Variants in NFATC3 observed in about 807,000 individuals in gnomAD.
NFATC3 encodes nuclear factor of activated T cells 3.
Under a neutral mutation model 98.6 loss-of-function variants are expected in NFATC3, and 46 were observed. The observed-to-expected ratio is 0.47, with a 90% CI of 0.37 to 0.60. The LOEUF (loss-of-function observed/expected upper bound fraction) is 0.60. NFATC3 is among the 20% of genes least tolerant of loss of function. NFATC3 has a pLI of 0.00. For synonymous variants in NFATC3, 512 were observed against 472.2 expected (o/e 1.08, Z -1.09); for missense variants, 1,256 against 1,295.5 (o/e 0.97, Z 0.47).
intron 5 of NFATC3, among the ~76,000 whole-genome samples, chr16:68,173,227 G>C (rs558984531): frequency 6.6e-6 from 1 of 151,560 alleles, no homozygotes; most frequent in South Asian, 2.1e-4. Context: ...GCCACACTGG[G>C]CAATAAATAA....
At chr16:68,113,647 C>T (rs1161814295) in intron 1 of NFATC3, among the ~76,000 whole-genome samples, 2 of 152,190 alleles carry the variant, frequency 1.3e-5, no homozygotes, top group Non-Finnish European at 2.9e-5. Context: ...GGGAGAATTC[C>T]CCTCATCTGG....
intron 1 of NFATC3, among the ~76,000 whole-genome samples, chr16:68,106,359 C>G (rs927080968): frequency 6.7e-6 from 1 of 149,440 alleles, no homozygotes; most frequent in Non-Finnish European, 1.5e-5. Flanking sequence ...ATGGTGTGAT[C>G]TTGGCTCACT....
chr16:68,171,627 C>T (rs937249633), intron 5 of NFATC3, among the ~76,000 whole-genome samples: 2 of 152,004 alleles, frequency 1.3e-5, no homozygotes, highest in South Asian at 4.2e-4. Flanking sequence ...GCATGCACCA[C>T]TGTGCCCGAC....
intron 3 of NFATC3, among the ~76,000 whole-genome samples, chr16:68,145,002 C>T (rs1198432698): frequency 1.3e-5 from 2 of 152,030 alleles, no homozygotes; most frequent in African/African-American, 4.8e-5. Context: ...AGATGGCAAT[C>T]TCACTATGTT....
intron 3 of NFATC3, among the ~76,000 whole-genome samples, chr16:68,127,928 A>G (rs1246788356): frequency 6.6e-6 from 1 of 151,880 alleles, no homozygotes; most frequent in East Asian, 1.9e-4. Flanking sequence ...CTTCTCCCCC[A>G]ATTATTTAGC....
At position 68,226,918 on chromosome 16, in the gene NFATC3, A is replaced by AG. The variant is rs2042049853; in HGVS notation, c.*447_*448insG. 7.7e-5 allele frequency: 9 copies of AG among 117,424 alleles called. No homozygotes were observed. Among genetic ancestry groups the AG allele is most frequent in the African/African-American group, 1.8e-4 (7 of 38,180 alleles). The allele number at this position is 117,424 out of a possible 1,614,324, so 7.3% of individuals were successfully genotyped here. A position where few individuals can be genotyped will look rare whatever the true frequency, so the allele number is the denominator to read the frequency against. On this transcript the variant is annotated 3_prime_UTR_variant, in exon 10 of 10. Transcript: ENST00000346183. ...GAAGCAAAAAAAAAAAAAAAAAAAA[A>AG]AAAAAGAAAAAAAAAGAAAAGAAAA... is the stretch of plus-strand genomic sequence containing the variant.
At chr16:68,172,860 TAAAA>T (rs1427510071) in intron 5 of NFATC3, among the ~76,000 whole-genome samples, 1 of 151,936 alleles carries the variant, frequency 6.6e-6, no homozygotes, top group Non-Finnish European at 1.5e-5. Context: ...CTCAAGCAAT[TAAAA>T]GAAAGAAATG....
At chr16:68,165,235 A>G (rs958567373) in intron 4 of NFATC3, among the ~76,000 whole-genome samples, 38 of 152,180 alleles carry the variant, frequency 2.5e-4, no homozygotes, top group Non-Finnish European at 4.4e-4. Context: ...ATAATTTGTT[A>G]TCTATAAATG....
intron 9 of NFATC3, among the ~76,000 whole-genome samples, chr16:68,192,594 C>T (rs1018566973): frequency 2.0e-5 from 3 of 151,750 alleles, no homozygotes; most frequent in Non-Finnish European, 2.9e-5. Context: ...CTCAGTGGCT[C>T]ACACCTATAA....
chr16:68,122,931 A>T lies in NFATC3; in HGVS notation c.1048A>T (p.Ile350Leu). 1 of 1,614,226 alleles carries T rather than the reference A, an allele frequency of 6.2e-7. No homozygotes were observed. Residue 350 changes from isoleucine (I) to leucine (L), a missense_variant, in exon 2 of 10, where the codon ATA becomes TTA. Transcript: ENST00000346183. ...GAAAACTTCTGAAGATCAAGCTGCCATACTACCAGGAAAATTAGAGCTGTG... is the reference window on the plus strand; with the variant it reads ...GAAAACTTCTGAAGATCAAGCTGCCTTACTACCAGGAAAATTAGAGCTGTG... ...TRKTSEDQAAILPGKLELCSD... is the reference protein window; with the variant it reads ...TRKTSEDQAALLPGKLELCSD...
intron 4 of NFATC3, 128 bp from the exon 5 acceptor site, chr16:68,166,715 C>G: frequency 1.4e-6 from 1 of 693,056 alleles, no homozygotes; most frequent in South Asian, 2.3e-5. Context: ...AGCAATCATA[C>G]ATATCTTTCT....
At chr16:68,141,645 A>G (rs959744946) in intron 3 of NFATC3, among the ~76,000 whole-genome samples, 4 of 151,004 alleles carry the variant, frequency 2.6e-5, no homozygotes, top group Non-Finnish European at 4.4e-5. Flanking sequence ...TCATTTGCCT[A>G]CTTTTTGATG....
intron 9 of NFATC3, among the ~76,000 whole-genome samples, chr16:68,222,695 T>G (rs1431419311): frequency 6.6e-6 from 1 of 152,184 alleles, no homozygotes; most frequent in Non-Finnish European, 1.5e-5. Context: ...TCCAAGTGAT[T>G]GTATTGAATT....
At chr16:68,221,803 A>G (rs1475295809) in intron 9 of NFATC3, 6 of 160,798 alleles carry the variant, frequency 3.7e-5, no homozygotes, top group South Asian at 2.0e-4. Flanking sequence ...AAGGAACAGC[A>G]GAGCTTTGGC....
chr16:68,101,052 A>C (rs2035324476), intron 1 of NFATC3, among the ~76,000 whole-genome samples: 1 of 152,056 alleles, frequency 6.6e-6, no homozygotes, highest in African/African-American at 2.4e-5. Flanking sequence ...TTGCCTTACC[A>C]ATTTTTTCTT....
At chr16:68,126,732 G>A in intron 3 of NFATC3, 122 bp downstream of exon 3, 1 of 890,462 alleles carries the variant, frequency 1.1e-6, no homozygotes, top group South Asian at 2.4e-5. Flanking sequence ...AGCCTCTGTT[G>A]TTTTGGGGGC....
intron 1 of NFATC3, among the ~76,000 whole-genome samples, chr16:68,112,674 C>CG (rs2036035937): frequency 1.1e-5 from 1 of 93,598 alleles, no homozygotes; most frequent in East Asian, 3.5e-4. Context: ...TTTTTTGAGA[C>CG]GGAGTCTCGC....
At chr16:68,126,654 G>C in intron 3 of NFATC3, 44 bp downstream of exon 3, 1 of 1,595,600 alleles carries the variant, frequency 6.3e-7, no homozygotes, top group Non-Finnish European at 8.6e-7. Flanking sequence ...CATACACCTA[G>C]TGATGATTAG....
chr16:68,198,346 A>G (rs2040759826), intron 9 of NFATC3, among the ~76,000 whole-genome samples: 1 of 152,184 alleles, frequency 6.6e-6, no homozygotes, highest in Admixed American at 6.6e-5. Flanking sequence ...AGAGCTGGAA[A>G]ATATTCTAAT....
Sources: gnomAD v4.1 joint callset for allele counts (sites outside exome capture counted in the v4.1 genomes callset) on GRCh38, gnomAD v4.1.1 for gene constraint, MANE v1.5 for transcripts, NCBI Gene and HGNC (gene_info 2026-07-23, HGNC 2026-07-21) for gene names.